Variants in DPP10 observed in about 807,000 individuals in gnomAD.
DPP10 encodes the protein inactive dipeptidyl peptidase 10.
DPP10 carries 33 observed loss-of-function variants against 120.9 expected under a neutral mutation model. The ratio of observed to expected loss-of-function variants is 0.27; its 90% CI spans 0.21 to 0.37. The LOEUF (loss-of-function observed/expected upper bound fraction) is 0.37. DPP10 is among the 10% of genes least tolerant of loss of function. The probability of loss-of-function intolerance (pLI) is 1.00; values close to 1 mark genes in which losing one functional copy is unlikely to be tolerated. For synonymous variants in DPP10, 337 were observed against 326.1 expected (o/e 1.03, Z -0.36); for missense variants, 816 against 942.8 (o/e 0.87, Z 1.76).
At chr2:114,862,998 T>C (rs1689945494) in intron 1 of DPP10, among the ~76,000 whole-genome samples, 1 of 152,144 alleles carries the variant, frequency 6.6e-6, no homozygotes, top group Non-Finnish European at 1.5e-5. Flanking sequence ...TGTATGCCAT[T>C]GACTCTGTGG....
At chr2:115,740,820 A>G (rs1677167526) in intron 9 of DPP10, among the ~76,000 whole-genome samples, 1 of 152,106 alleles carries the variant, frequency 6.6e-6, no homozygotes, top group South Asian at 2.1e-4. Context: ...CCCCCAGTAT[A>G]TTAATCATGT....
At chr2:115,395,034 C>T (rs1022033868) in intron 3 of DPP10, among the ~76,000 whole-genome samples, 1 of 152,188 alleles carries the variant, frequency 6.6e-6, no homozygotes, top group Non-Finnish European at 1.5e-5. Context: ...GCTGTTTTCA[C>T]GTACTACACT....
intron 2 of DPP10, among the ~76,000 whole-genome samples, chr2:115,331,142 A>C (rs979846423): frequency 2.6e-5 from 4 of 152,070 alleles, no homozygotes; most frequent in African/African-American, 7.2e-5. Flanking sequence ...GGTCCTTCAC[A>C]TCCCTTGTAA....
chr2:114,950,499 G>C (rs1697706211), intron 1 of DPP10, among the ~76,000 whole-genome samples: 1 of 151,344 alleles, frequency 6.6e-6, no homozygotes, highest in Admixed American at 6.6e-5. Context: ...GTACAGATGG[G>C]TTTTCACGGT....
chr2:115,542,677 G>T (rs996288127), intron 5 of DPP10, among the ~76,000 whole-genome samples: 3 of 151,312 alleles, frequency 2.0e-5, no homozygotes, highest in East Asian at 3.9e-4. Flanking sequence ...GAGAGCACAA[G>T]CATTAAGAGA....
At chr2:114,477,967 A>G (rs1190900859) in intron 1 of DPP10, among the ~76,000 whole-genome samples, 1 of 148,982 alleles carries the variant, frequency 6.7e-6, no homozygotes, top group African/African-American at 2.5e-5. Flanking sequence ...GTGTATATGT[A>G]TATATGTGTA....
chr2:115,679,984 A>C (rs2090538015), intron 5 of DPP10, among the ~76,000 whole-genome samples: 1 of 152,050 alleles, frequency 6.6e-6, no homozygotes, highest in African/African-American at 2.4e-5. Context: ...AAAATCCTAA[A>C]GAGAGGATTT....
chr2:115,498,689 T>C (rs1575024829), intron 3 of DPP10, among the ~76,000 whole-genome samples: 1 of 71,366 alleles, frequency 1.4e-5, no homozygotes, highest in Non-Finnish European at 2.8e-5. Flanking sequence ...TACCTAATCA[T>C]ATATATATAT....
At chr2:115,058,746 T>TA (rs1167528490) in intron 1 of DPP10, among the ~76,000 whole-genome samples, 1 of 9,150 alleles carries the variant, frequency 1.1e-4, no homozygotes, top group Admixed American at 2.8e-3. Context: ...AAGTCAACAA[T>TA]CTTTTTTTTT....
intron 1 of DPP10, among the ~76,000 whole-genome samples, chr2:114,824,315 G>A (rs1686346906): frequency 6.6e-6 from 1 of 152,282 alleles, no homozygotes; most frequent in Admixed American, 6.5e-5. Flanking sequence ...GACTGATGAT[G>A]AATTCCTAGA....
intron 1 of DPP10, among the ~76,000 whole-genome samples, chr2:114,476,387 A>C (rs1232214045): frequency 1.3e-5 from 2 of 152,204 alleles, no homozygotes; most frequent in Non-Finnish European, 1.5e-5. Context: ...ACATCAAATA[A>C]AAAGTAGTTG....
chr2:115,191,036 A>G (rs1288469847), intron 1 of DPP10, among the ~76,000 whole-genome samples: 29 of 152,088 alleles, frequency 1.9e-4, no homozygotes, highest in Admixed American at 1.9e-3. Flanking sequence ...GCACATTTCA[A>G]AGGATCCTAT....
chr2:114,536,225 C>T (rs934261868), intron 1 of DPP10, among the ~76,000 whole-genome samples: 1 of 152,000 alleles, frequency 6.6e-6, no homozygotes, highest in Non-Finnish European at 1.5e-5. Context: ...AGAATGTTTC[C>T]TACTGTGAGA....
chr2:114,969,638 A>G (rs969516831), intron 1 of DPP10, among the ~76,000 whole-genome samples: 5 of 152,146 alleles, frequency 3.3e-5, no homozygotes, highest in African/African-American at 1.2e-4. Context: ...CCTTTCCAGC[A>G]TTCCTGTAGC....
chr2:115,010,384 A>T (rs989036), intron 1 of DPP10, among the ~76,000 whole-genome samples: 1 of 151,922 alleles, frequency 6.6e-6, no homozygotes, highest in Non-Finnish European at 1.5e-5. Context: ...AAAATTTGAG[A>T]ATATATGGAT....
chr2:115,013,291 ATTCTT>A (rs1702392939), intron 1 of DPP10, among the ~76,000 whole-genome samples: 1 of 152,160 alleles, frequency 6.6e-6, no homozygotes, highest in Admixed American at 6.5e-5. Context: ...TGGGCTGAAA[ATTCTT>A]TTCTTTAAGA....
At chr2:115,116,875 T>A (rs1021422427) in intron 1 of DPP10, among the ~76,000 whole-genome samples, 1 of 152,222 alleles carries the variant, frequency 6.6e-6, no homozygotes, top group Non-Finnish European at 1.5e-5. Flanking sequence ...TAATGTAACA[T>A]TGAGCTCAAA....
At chr2:114,824,382 T>A (rs2106369746) in intron 1 of DPP10, among the ~76,000 whole-genome samples, 1 of 152,328 alleles carries the variant, frequency 6.6e-6, no homozygotes, top group South Asian at 2.1e-4. Context: ...ATATTGATAG[T>A]CCATTAGACT....
chr2:114,708,900 C>T (rs1203389625), intron 1 of DPP10, among the ~76,000 whole-genome samples: 1 of 152,164 alleles, frequency 6.6e-6, no homozygotes, highest in Non-Finnish European at 1.5e-5. Context: ...GGACTACAGG[C>T]ACACTCCACC....
Sources: allele counts gnomAD v4.1 joint callset (sites outside exome capture counted in the v4.1 genomes callset), GRCh38; gene constraint gnomAD v4.1.1; transcripts MANE v1.5; gene names NCBI Gene and HGNC (gene_info 2026-07-23, HGNC 2026-07-21).